The following LRP1B variants were observed in gnomAD, a reference collection of about 807,000 sequenced individuals.
LRP1B encodes LDL receptor related protein 1B, also known as low-density lipoprotein receptor-related protein 1B.
Under a neutral mutation model 556.6 loss-of-function variants are expected in LRP1B, and 217 were observed. The observed-to-expected ratio is 0.39, with a 90% CI of 0.35 to 0.44. LRP1B has a LOEUF of 0.44. Among genes scored for constraint, LRP1B ranks in the 20% least tolerant of loss-of-function variants. The probability of loss-of-function intolerance (pLI) is 1.00; values close to 1 mark genes in which losing one functional copy is unlikely to be tolerated. For missense variants in LRP1B, 5,053 were observed against 5,620.8 expected (o/e 0.90, Z 3.23); for synonymous variants, 2,047 against 1,865.8 (o/e 1.10, Z -2.50).
At chr2:140,922,676 AT>A (rs1420701437) in intron 21 of LRP1B, among the ~76,000 whole-genome samples, 1 of 151,840 alleles carries the variant, frequency 6.6e-6, no homozygotes, top group Non-Finnish European at 1.5e-5. Context: ...AAACAAATAA[AT>A]TAATTAATTA....
intron 2 of LRP1B, among the ~76,000 whole-genome samples, chr2:141,589,895 A>C (rs1212896217): frequency 1.3e-5 from 2 of 152,212 alleles, no homozygotes; most frequent in Admixed American, 1.3e-4. Context: ...CAATAAAGTT[A>C]TTCAAAGTTC....
chr2:140,875,164 C>A (rs139006382), intron 25 of LRP1B, among the ~76,000 whole-genome samples: 148 of 152,188 alleles, frequency 9.7e-4, no homozygotes, highest in Non-Finnish European at 1.5e-3. Context: ...AACTATTCAA[C>A]TCCTCAAAGC....
At chr2:142,112,320 ACT>A (rs891130886) in intron 1 of LRP1B, among the ~76,000 whole-genome samples, 3 of 152,054 alleles carry the variant, frequency 2.0e-5, no homozygotes, top group African/African-American at 7.2e-5. Context: ...AAAAGGTCAA[ACT>A]CATGTAAAAA....
At chr2:141,932,819 T>C (rs894869629) in intron 1 of LRP1B, among the ~76,000 whole-genome samples, 1 of 151,976 alleles carries the variant, frequency 6.6e-6, no homozygotes, top group Non-Finnish European at 1.5e-5. Flanking sequence ...AAGTATGTAT[T>C]ATGTGGTAAA....
chr2:140,364,554 C>T (rs2105150662), intron 72 of LRP1B, 107 bp downstream of exon 72: 2 of 1,327,618 alleles, frequency 1.5e-6, no homozygotes, highest in Non-Finnish European at 2.1e-6. Context: ...ATCTACCTAA[C>T]CCCAGGATGG....
intron 62 of LRP1B, among the ~76,000 whole-genome samples, chr2:140,453,437 T>C (rs903380733): frequency 2.6e-5 from 4 of 152,048 alleles, no homozygotes. Context: ...TAAATATAAA[T>C]ATAAAATAGT....
chr2:140,951,002 A>G (rs564814310), intron 19 of LRP1B, among the ~76,000 whole-genome samples: 7 of 152,328 alleles, frequency 4.6e-5, no homozygotes, highest in African/African-American at 1.4e-4. Flanking sequence ...TGTTCCACAC[A>G]GAAATAACTA....
intron 2 of LRP1B, among the ~76,000 whole-genome samples, chr2:141,759,410 A>G (rs2105589213): frequency 6.6e-6 from 1 of 152,286 alleles, no homozygotes; most frequent in East Asian, 1.9e-4. Context: ...ATGAAAAATA[A>G]ATTGAGGAAG....
At position 141,058,986 on chromosome 2, in the gene LRP1B, A is replaced by T. The variant is rs2105462956; in HGVS notation, c.1305T>A (p.Asn435Lys). The T allele has an allele frequency of 6.3e-7, 1 of 1,594,292 alleles. No individual in the cohort carries two copies. The highest frequency in any genetic ancestry group is 8.6e-7 in the Non-Finnish European group (1 of 1,168,998). The change falls in exon 9 of 91, where the codon AAT (asparagine) becomes AAA (lysine). Residue 435 changes from asparagine (N) to lysine (K), a missense_variant. Coordinates refer to ENST00000389484, the MANE Select transcript of LRP1B (RefSeq NM_018557.3). ...CATTAAATCGGTTTATCCTTACGAT[A>T]TTGTAGTTATCAGAATTGGTTGCAT... ...YLYATNSDNY[N>K]IVRINRFNGT...
At chr2:141,072,030 T>A (rs1319151000) in intron 7 of LRP1B, among the ~76,000 whole-genome samples, 1 of 151,966 alleles carries the variant, frequency 6.6e-6, no homozygotes, top group African/African-American at 2.4e-5. Flanking sequence ...CATCTCACCC[T>A]TCTTTACACA....
chr2:141,341,624 G>A (rs1688057921), intron 3 of LRP1B, among the ~76,000 whole-genome samples: 2 of 152,156 alleles, frequency 1.3e-5, no homozygotes. Flanking sequence ...CAGCACTACA[G>A]TTTTTAGCTT....
intron 1 of LRP1B, among the ~76,000 whole-genome samples, chr2:142,024,446 A>G (rs999594776): frequency 2.6e-5 from 4 of 152,136 alleles, no homozygotes; most frequent in African/African-American, 9.6e-5. Flanking sequence ...CTAAAAAATG[A>G]TGGTTCCTAT....
intron 24 of LRP1B, 97 bp downstream of exon 24, chr2:140,886,041 C>A: frequency 1.3e-6 from 1 of 750,582 alleles, no homozygotes; most frequent in South Asian, 2.1e-5. Context: ...GACCAAAGGT[C>A]AAAGAATAAT....
intron 1 of LRP1B, among the ~76,000 whole-genome samples, chr2:142,062,395 A>G (rs1026300146): frequency 6.6e-6 from 1 of 151,778 alleles, no homozygotes; most frequent in Non-Finnish European, 1.5e-5. Flanking sequence ...CTGCCTATTC[A>G]CATCTACCAT....
At chr2:140,313,495 C>T (rs1684393347) in intron 83 of LRP1B, among the ~76,000 whole-genome samples, 1 of 151,772 alleles carries the variant, frequency 6.6e-6, no homozygotes, top group African/African-American at 2.4e-5. Context: ...GTTCAATAGG[C>T]AGCAATAGTT....
At chr2:141,521,965 A>G (rs12476668) in intron 2 of LRP1B, among the ~76,000 whole-genome samples, 38,297 of 152,050 alleles carry the variant, frequency 0.25, 5,538 homozygotes, top group East Asian at 0.48. Context: ...GCCTATATAC[A>G]TGATCCACTA....
intron 7 of LRP1B, among the ~76,000 whole-genome samples, chr2:141,143,813 A>C (rs1275735439): frequency 6.8e-6 from 1 of 147,846 alleles, no homozygotes; most frequent in South Asian, 2.2e-4. Flanking sequence ...ATCAGAATTT[A>C]TCTGTCAAGA....
chr2:142,054,998 G>T (rs1010450170), intron 1 of LRP1B, among the ~76,000 whole-genome samples: 1 of 152,144 alleles, frequency 6.6e-6, no homozygotes, highest in Non-Finnish European at 1.5e-5. Context: ...ATAGAGAAAA[G>T]CTCACTGTGT....
chr2:140,970,771 T>C (rs1696395937), intron 18 of LRP1B, among the ~76,000 whole-genome samples: 1 of 125,294 alleles, frequency 8.0e-6, no homozygotes, highest in African/African-American at 3.0e-5. Flanking sequence ...GAGAGGGTCT[T>C]GCTCTGTTGC....
Sources: gnomAD v4.1 joint callset for allele counts (sites outside exome capture counted in the v4.1 genomes callset) on GRCh38, gnomAD v4.1.1 for gene constraint, MANE v1.5 for transcripts, NCBI Gene and HGNC (gene_info 2026-07-23, HGNC 2026-07-21) for gene names.